Variants in ANKRD30B observed in about 807,000 individuals in gnomAD.
ANKRD30B encodes the protein ankyrin repeat domain-containing protein 30B.
Under a neutral mutation model 202.2 loss-of-function variants are expected in ANKRD30B, and 144 were observed. That is an observed-to-expected ratio of 0.71 (90% CI 0.62 to 0.82). The LOEUF (loss-of-function observed/expected upper bound fraction) is 0.82, where lower values mean the gene tolerates loss of function less well. Ranked by LOEUF, ANKRD30B falls within the 40% of genes least tolerant of loss-of-function variation. The pLI is 0.00. For missense variants in ANKRD30B, 1,487 were observed against 1,669.1 expected (o/e 0.89, Z 1.90); for synonymous variants, 508 against 561.3 (o/e 0.91, Z 1.34).
chr18:14,927,364 G>A, the ANKRD30B span, among the ~76,000 whole-genome samples: 9 of 152,260 alleles, frequency 5.9e-5, no homozygotes, highest in East Asian at 1.7e-3. Context: ...ACCTAATACT[G>A]TTGACCCTCA....
chr18:14,799,270 G>T lies in ANKRD30B; in HGVS notation c.2106G>T (p.Leu702Phe). Residue 702 changes from leucine to phenylalanine, a missense_variant, in exon 22 of 44, where the codon TTG becomes TTT. This residue lies in a region of ANKRD30B where 889 missense variants were observed against 841.4 expected (regional missense o/e 1.06). Transcript: ENST00000690538. ...KVSLPNKALELKDRETFKAAQ... is the reference protein window; with the variant it reads ...KVSLPNKALEFKDRETFKAAQ... ...CTCTTCCAAATAAAGCTTTAGAATT[G>T]AAGGACAGAGAAACATTCAAAGCAG... 1.9e-6 allele frequency: 3 copies of T among 1,544,202 alleles called. No homozygotes were observed. The highest frequency in any genetic ancestry group is 2.6e-6 in the Non-Finnish European group (3 of 1,146,910).
the ANKRD30B span, chr18:14,884,065 CCTTTGT>C: frequency 1.5e-5 from 2 of 130,608 alleles, no homozygotes; most frequent in East Asian, 4.4e-4. Context: ...GGTATGTATG[CCTTTGT>C]ATAATACCCT....
chr18:14,775,424 A>G (rs1223464249), intron 9 of ANKRD30B, among the ~76,000 whole-genome samples: 1 of 152,220 alleles, frequency 6.6e-6, no homozygotes, highest in Non-Finnish European at 1.5e-5. Flanking sequence ...TCAGGGAGAA[A>G]GAGTTTAAAC....
rs755902224 is a variant in ANKRD30B, at chr18:14,797,645, G to A, written c.1928-16G>A. On this transcript the variant is annotated splice_polypyrimidine_tract_variant and intron_variant, in intron 18 of 43. Coordinates refer to ENST00000690538, the MANE Select transcript of ANKRD30B (RefSeq NM_001367607.2). Reference sequence around the variant, plus strand: ...GGCTTGCATATAATCAATTATAAATGTCCCTTTTCTTTTAGAGTCTCCTGA... The same window carrying A: ...GGCTTGCATATAATCAATTATAAATATCCCTTTTCTTTTAGAGTCTCCTGA... 3.7e-6 allele frequency: 6 copies of A among 1,603,026 alleles called. No homozygotes were observed. The highest frequency in any genetic ancestry group is 2.2e-5 in the East Asian group (1 of 44,660).
At chr18:14,821,769 G>C (rs1380400792) in intron 30 of ANKRD30B, among the ~76,000 whole-genome samples, 1 of 152,174 alleles carries the variant, frequency 6.6e-6, no homozygotes, top group African/African-American at 2.4e-5. Flanking sequence ...GTATTAGTTT[G>C]TTGATGGGTA....
At chr18:14,896,522 CATT>C in the ANKRD30B span, among the ~76,000 whole-genome samples, 2 of 150,132 alleles carry the variant, frequency 1.3e-5, no homozygotes, top group African/African-American at 4.9e-5. Context: ...AATATAATAT[CATT>C]GAGTGTAGAG....
intron 23 of ANKRD30B, 179 bp from the exon 24 acceptor site, chr18:14,803,555 G>A (rs1598644330): frequency 3.2e-6 from 2 of 631,188 alleles, no homozygotes; most frequent in Non-Finnish European, 3.0e-6. Context: ...GATGTGGAGA[G>A]TGTTATGTGA....
chr18:14,832,810 G>T (rs549997778), intron 34 of ANKRD30B, among the ~76,000 whole-genome samples: 1 of 152,230 alleles, frequency 6.6e-6, no homozygotes, highest in South Asian at 2.1e-4. Flanking sequence ...TCATAAATAA[G>T]AAGACAATAA....
Position 14,784,622 on chromosome 18 carries a change from T to C in ANKRD30B, c.1672+87T>C, listed in dbSNP as rs191647321. 1.2e-3 allele frequency: 1,632 copies of C among 1,406,740 alleles called. 2 individuals carry two copies. Among genetic ancestry groups the C allele is most frequent in the Non-Finnish European group, 1.2e-3 (1,280 of 1,034,434 alleles). 87.1% of individuals were successfully genotyped at this position (1,406,740 alleles called of 1,614,324 possible). A position where few individuals can be genotyped will look rare whatever the true frequency, so the allele number is the denominator to read the frequency against. ...TTTCTATCCCCAATGATTTATTTCT[T>C]TTAACTTTGATGAAAAGATTTGATC... On this transcript the variant is annotated intron_variant, in intron 14 of 43. Transcript: ENST00000690538.
At chr18:14,797,151 G>C (rs1326334986) in intron 18 of ANKRD30B, among the ~76,000 whole-genome samples, 1 of 152,152 alleles carries the variant, frequency 6.6e-6, no homozygotes, top group Non-Finnish European at 1.5e-5. Flanking sequence ...AAGAGGCCTA[G>C]AAGAGCCGTG....
intron 8 of ANKRD30B, among the ~76,000 whole-genome samples, chr18:14,769,790 T>A (rs553807601): frequency 1.3e-5 from 2 of 152,320 alleles, no homozygotes; most frequent in Admixed American, 6.5e-5. Flanking sequence ...AGTTTTCTCT[T>A]AGAACACTCA....
At chr18:14,834,742 G>T (rs1971098421) in intron 34 of ANKRD30B, among the ~76,000 whole-genome samples, 4 of 151,996 alleles carry the variant, frequency 2.6e-5, no homozygotes, top group Non-Finnish European at 4.4e-5. Context: ...CAATTATTCT[G>T]ATTTGATTAT....
chr18:14,831,963 G>T (rs1970965240), intron 34 of ANKRD30B, among the ~76,000 whole-genome samples: 1 of 152,128 alleles, frequency 6.6e-6, no homozygotes, highest in African/African-American at 2.4e-5. Flanking sequence ...ATAGCATATA[G>T]GTTTTTTTGG....
chr18:14,929,501 T>C, the ANKRD30B span, among the ~76,000 whole-genome samples: 1 of 152,168 alleles, frequency 6.6e-6, no homozygotes, highest in Non-Finnish European at 1.5e-5. Context: ...CTGCTCTTTT[T>C]TGAAAAAATA....
chr18:14,869,169 C>T, the ANKRD30B span, among the ~76,000 whole-genome samples: 3 of 152,174 alleles, frequency 2.0e-5, no homozygotes, highest in Non-Finnish European at 2.9e-5. Context: ...CTTACCTGGG[C>T]TGTGTTTTCT....
At chr18:14,791,603 G>A (rs546632659) in intron 16 of ANKRD30B, 112 bp downstream of exon 16, 3 of 791,146 alleles carry the variant, frequency 3.8e-6, no homozygotes, top group African/African-American at 3.5e-5. Context: ...GCAAAGCACA[G>A]AAAAAAGAGA....
rs1453260259 is a variant in ANKRD30B, at chr18:14,778,050, C to T, written c.1395C>T (p.Ile465=). 3 of 1,547,022 alleles carry T rather than the reference C, an allele frequency of 1.9e-6. No individual in the cohort carries two copies. Among genetic ancestry groups the T allele is most frequent in the Non-Finnish European group, 1.7e-6 (2 of 1,143,584 alleles). ...CTGATGCTACATATCAAAAAGATAT[C>T]AAAACAATAAATCACAAAATAGAAG... ...CLPDATYQKD[I]KTINHKIEDQ... is the part of the protein sequence containing the mutation. The change falls in exon 10 of 44, where the codon ATC becomes ATT. Residue 465 remains isoleucine, a synonymous_variant. Coordinates refer to ENST00000690538, the MANE Select transcript of ANKRD30B (RefSeq NM_001367607.2).
chr18:14,930,765 A>C, the ANKRD30B span, among the ~76,000 whole-genome samples: 236 of 152,300 alleles, frequency 1.5e-3, no homozygotes, highest in Non-Finnish European at 2.2e-3. Flanking sequence ...GAGCTTCCTG[A>C]GAATGATGCA....
At position 14,789,839 on chromosome 18, in the gene ANKRD30B, T is replaced by C. The variant is rs1445575915; in HGVS notation, c.1735-1562T>C. ...TCAGGTACTGTGATGCCTACAGCTT[T>C]GTTCTTTTGGCTTAGGATTGACTTG... On this transcript the variant is annotated intron_variant, in intron 15 of 43. Coordinates refer to ENST00000690538, the MANE Select transcript of ANKRD30B (RefSeq NM_001367607.2). 5.3e-5 allele frequency among the ~76,000 whole-genome samples: 8 copies of C among 152,144 alleles called. 1 individual carries two copies. Among genetic ancestry groups the C allele is most frequent in the African/African-American group, 1.9e-4 (8 of 41,390 alleles).
Sources: gnomAD v4.1 joint callset for allele counts (sites outside exome capture counted in the v4.1 genomes callset) on GRCh38, gnomAD v4.1.1 for gene constraint, gnomAD v4.1.1 regional missense constraint, MANE v1.5 for transcripts, NCBI Gene and HGNC (gene_info 2026-07-23, HGNC 2026-07-21) for gene names.